The following NRG3 variants were observed in gnomAD, a reference collection of about 807,000 sequenced individuals.
NRG3 encodes pro-neuregulin-3, membrane-bound isoform.
In NRG3, 31 loss-of-function variants were observed where a neutral mutation model predicts 66.9. The ratio of observed to expected loss-of-function variants is 0.46; its 90% CI spans 0.35 to 0.63. NRG3 has a LOEUF of 0.63. NRG3 is among the 20% of genes least tolerant of loss of function. NRG3 has a pLI of 0.00. For synonymous variants in NRG3, 393 were observed against 359.4 expected, an observed-to-expected ratio of 1.09 and a Z score of -1.06; for missense variants, 910 against 878.9, an observed-to-expected ratio of 1.04 and a Z score of -0.45.
intron 2 of NRG3, among the ~76,000 whole-genome samples, chr10:82,502,967 T>A (rs2132361002): frequency 6.6e-6 from 1 of 152,326 alleles, no homozygotes; most frequent in South Asian, 2.1e-4. Context: ...CCTTCCAATT[T>A]GATTTGTCTG....
At chr10:82,216,528 ATG>A (rs200972782) in intron 1 of NRG3, among the ~76,000 whole-genome samples, 111 of 141,038 alleles carry the variant, frequency 7.9e-4, no homozygotes, top group African/African-American at 2.5e-3. Context: ...ATGCACATAT[ATG>A]TGTGTGTGTA....
At chr10:82,726,884 C>G (rs1255944847) in intron 2 of NRG3, among the ~76,000 whole-genome samples, 3 of 152,078 alleles carry the variant, frequency 2.0e-5, no homozygotes, top group African/African-American at 7.2e-5. Context: ...CAATAAGTTC[C>G]AGGCTGAGGT....
intron 2 of NRG3, among the ~76,000 whole-genome samples, chr10:82,529,134 A>C (rs1847013852): frequency 6.6e-6 from 1 of 152,234 alleles, no homozygotes; most frequent in Non-Finnish European, 1.5e-5. Context: ...TTCCAAATGC[A>C]TCATAGCTAA....
chr10:82,039,818 T>A (rs2062950793), intron 1 of NRG3, among the ~76,000 whole-genome samples: 1 of 152,134 alleles, frequency 6.6e-6, no homozygotes, highest in South Asian at 2.1e-4. Flanking sequence ...TCTTTTCACA[T>A]GGTCTCTCCT....
chr10:81,900,217 G>C (rs1246321357), intron 1 of NRG3, among the ~76,000 whole-genome samples: 1 of 147,956 alleles, frequency 6.8e-6, no homozygotes, highest in Non-Finnish European at 1.5e-5. Flanking sequence ...CCAAAGTGTG[G>C]GATTACAGGC....
chr10:82,094,290 GAGACAC>G (rs1183062115), intron 1 of NRG3, among the ~76,000 whole-genome samples: 2 of 152,152 alleles, frequency 1.3e-5, no homozygotes, highest in Admixed American at 1.3e-4. Context: ...AAACCATCAT[GAGACAC>G]TGTCTTACAG....
chr10:82,207,568 C>T lies in NRG3; in HGVS notation c.824-151171C>T, dbSNP rs553592577. Among the ~76,000 whole-genome samples, 17 of 152,162 alleles carry T rather than the reference C, an allele frequency of 1.1e-4. No individual in the cohort carries two copies. The East Asian group carries it at 1.9e-3, about 17-fold the overall frequency. On this transcript the variant is annotated intron_variant, in intron 1 of 8. Coordinates refer to ENST00000372141, the MANE Select transcript of NRG3 (RefSeq NM_001010848.4). The stretch of plus-strand genomic sequence containing the variant: ...TTACATTTTGTAAAAATAGTAAAGC[C>T]GTGTGTAGCGGTCCGTTCTCACGCT...
rs2132721430 is a variant in NRG3 at position 82,986,880 on chromosome 10, T to TCC, written c.*1275_*1276insCC. Reference sequence around the variant, plus strand: ...GTGTGGACCAAGGCTTCGGCTTCTGTGGTTAGTATGGGAAGAATAAATTGT... The same window carrying TCC: ...GTGTGGACCAAGGCTTCGGCTTCTGTCCGGTTAGTATGGGAAGAATAAATTGT... On this transcript the variant is annotated 3_prime_UTR_variant, in exon 9 of 9. Coordinates refer to ENST00000372141, the MANE Select transcript of NRG3 (RefSeq NM_001010848.4). The TCC allele has an allele frequency of 6.6e-6, 1 of 152,308 alleles. No homozygotes were observed. Among genetic ancestry groups the TCC allele is most frequent in the Non-Finnish European group, 1.5e-5 (1 of 68,028 alleles). The allele number at this position is 152,308 out of a possible 1,614,324, so 9.4% of individuals were successfully genotyped here. A position where few individuals can be genotyped will look rare whatever the true frequency, so the allele number is the denominator to read the frequency against.
chr10:82,042,736 T>A (rs972704943), intron 1 of NRG3, among the ~76,000 whole-genome samples: 2 of 152,058 alleles, frequency 1.3e-5, no homozygotes, highest in African/African-American at 4.8e-5. Context: ...GTGTTCAGAA[T>A]TTTTCAACTA....
At chr10:82,590,387 C>CGGAGGAAGCTAAGAAGGCCCCTAGGT (rs1565102712) in intron 2 of NRG3, among the ~76,000 whole-genome samples, 1 of 151,948 alleles carries the variant, frequency 6.6e-6, no homozygotes, top group Non-Finnish European at 1.5e-5. Context: ...AACAAGTTAT[C>CGGAGGAAGCTAAGAAGGCCCCTAGGT]GGAGGAAGCT....
intron 1 of NRG3, chr10:82,232,317 C>G (rs1215843199): frequency 6.4e-6 from 1 of 156,612 alleles, no homozygotes; most frequent in Admixed American, 6.4e-5. Context: ...CCTGTTTTAA[C>G]ATGGATTGGA....
chr10:82,717,864 T>C (rs1390991646), intron 2 of NRG3, among the ~76,000 whole-genome samples: 2 of 151,774 alleles, frequency 1.3e-5, no homozygotes, highest in Non-Finnish European at 2.9e-5. Context: ...TTTTTTTTTT[T>C]AATAGTGAGC....
At chr10:82,950,056 T>G (rs989897115) in intron 4 of NRG3, among the ~76,000 whole-genome samples, 3 of 152,108 alleles carry the variant, frequency 2.0e-5, no homozygotes, top group African/African-American at 7.2e-5. Flanking sequence ...ACCTGGGAAC[T>G]TTTTAAAAAT....
Position 81,977,855 on chromosome 10 carries a change from A to G in NRG3, c.823+101692A>G, listed in dbSNP as rs960274530. Among the ~76,000 whole-genome samples, 5 of 152,186 alleles carry G rather than the reference A, an allele frequency of 3.3e-5. No homozygotes were observed. In the East Asian group the frequency reaches 9.6e-4, roughly 29 times the overall value. On this transcript the variant is annotated intron_variant, in intron 1 of 8. Transcript: ENST00000372141. ...ATGAGGATCAAATAAGCTGGAGGAC[A>G]TCAAAGCAAATAGTATATCATCTTT...
intron 1 of NRG3, among the ~76,000 whole-genome samples, chr10:81,974,816 A>G (rs2060058211): frequency 6.6e-6 from 1 of 152,128 alleles, no homozygotes; most frequent in Non-Finnish European, 1.5e-5. Flanking sequence ...CTGAAAAACA[A>G]CTTAAGTAAT....
chr10:82,664,173 CA>C (rs1216645322), intron 2 of NRG3, among the ~76,000 whole-genome samples: 1 of 152,148 alleles, frequency 6.6e-6, no homozygotes, highest in East Asian at 1.9e-4. Context: ...ACTGTGGTGA[CA>C]ATTGTACTGG....
chr10:82,068,182 A>G lies in NRG3; in HGVS notation c.823+192019A>G, dbSNP rs139421836. Among the ~76,000 whole-genome samples the G allele has an allele frequency of 1.9e-4, 29 of 152,318 alleles. No homozygotes were observed. The East Asian group carries it at 5.2e-3, about 27-fold the overall frequency. Reference sequence around the variant, plus strand: ...CCTTCCTTTTTATAGCTTTGAGGGAATTGCAGGAACAACTACTGCAGCTTA... The same window carrying G: ...CCTTCCTTTTTATAGCTTTGAGGGAGTTGCAGGAACAACTACTGCAGCTTA... On this transcript the variant is annotated intron_variant, in intron 1 of 8. Coordinates refer to ENST00000372141, the MANE Select transcript of NRG3 (RefSeq NM_001010848.4).
At chr10:82,479,686 A>T (rs1842087947) in intron 2 of NRG3, among the ~76,000 whole-genome samples, 1 of 108,254 alleles carries the variant, frequency 9.2e-6, no homozygotes, top group Admixed American at 9.4e-5. Flanking sequence ...AAAAAAAAAA[A>T]GCCCGGCACC....
intron 2 of NRG3, among the ~76,000 whole-genome samples, chr10:82,442,145 G>A (rs2090464197): frequency 6.6e-6 from 1 of 152,160 alleles, no homozygotes; most frequent in Non-Finnish European, 1.5e-5. Flanking sequence ...ATTGATGCAT[G>A]TGAATTACCT....
Sources: gnomAD v4.1 joint callset for allele counts (sites outside exome capture counted in the v4.1 genomes callset) on GRCh38, gnomAD v4.1.1 for gene constraint, MANE v1.5 for transcripts, NCBI Gene and HGNC (gene_info 2026-07-23, HGNC 2026-07-21) for gene names.